SLC22A3: variants seen among roughly 807,000 people sequenced by gnomAD.
The protein encoded by SLC22A3 is solute carrier family 22 member 3.
SLC22A3 carries 51 observed loss-of-function variants against 59.1 expected under a neutral mutation model. The observed-to-expected ratio is 0.86, with a 90% CI of 0.69 to 1.09. The LOEUF (loss-of-function observed/expected upper bound fraction) is 1.09, where lower values mean the gene tolerates loss of function less well. SLC22A3 is among the 50% of genes least tolerant of loss of function. SLC22A3 has a pLI of 0.00. For missense variants in SLC22A3, 711 were observed against 726.3 expected (o/e 0.98, Z 0.24); for synonymous variants, 325 against 292.0 (o/e 1.11, Z -1.15).
At position 160,407,149 on chromosome 6, in the gene SLC22A3, G is replaced by T. The variant is rs1180940188; in HGVS notation, c.642G>T (p.Leu214=). 6 of 1,612,068 alleles carry T rather than the reference G, an allele frequency of 3.7e-6. No homozygotes were observed. Among genetic ancestry groups the T allele is most frequent in the Non-Finnish European group, 5.1e-6 (6 of 1,179,012 alleles). ...CTGTGTTTGTGATCTTCCGCTTCCT[G>T]CAAGGTGTATTTGGAAAGGGGACGT... ...NFPVFVIFRF[L]QGVFGKGTWM... Residue 214 remains leucine, a synonymous_variant, in exon 3 of 11, where the codon CTG becomes CTT. Coordinates refer to ENST00000275300, the MANE Select transcript of SLC22A3 (RefSeq NM_021977.4).
intron 4 of SLC22A3, among the ~76,000 whole-genome samples, chr6:160,410,494 C>T (rs1304445492): frequency 6.6e-6 from 1 of 152,188 alleles, no homozygotes; most frequent in African/African-American, 2.4e-5. Context: ...TTTGCAAGAG[C>T]AATGTCATGT....
At chr6:160,413,502 C>T (rs1184919396) in intron 5 of SLC22A3, among the ~76,000 whole-genome samples, 1 of 152,216 alleles carries the variant, frequency 6.6e-6, no homozygotes, top group African/African-American at 2.4e-5. Flanking sequence ...TGCCTAGTTT[C>T]CCTATCCACT....
chr6:160,448,363 T>C (rs1364158762), intron 10 of SLC22A3, among the ~76,000 whole-genome samples: 1 of 152,004 alleles, frequency 6.6e-6, no homozygotes, highest in Non-Finnish European at 1.5e-5. Flanking sequence ...TGATAGATAA[T>C]AGGTAGATGG....
chr6:160,358,087 C>T (rs1784900741), intron 1 of SLC22A3, among the ~76,000 whole-genome samples: 1 of 152,110 alleles, frequency 6.6e-6, no homozygotes, highest in Admixed American at 6.5e-5. Context: ...TAGATAATAA[C>T]AATTTATTGT....
At chr6:160,368,304 G>A (rs965195984) in intron 1 of SLC22A3, among the ~76,000 whole-genome samples, 4 of 152,272 alleles carry the variant, frequency 2.6e-5, no homozygotes, top group Admixed American at 2.6e-4. Flanking sequence ...CACAGCAGAA[G>A]AGTTATAATA....
chr6:160,368,712 C>T (rs1289209172), intron 1 of SLC22A3, among the ~76,000 whole-genome samples: 2 of 152,168 alleles, frequency 1.3e-5, no homozygotes, highest in Admixed American at 1.3e-4. Flanking sequence ...TCACTCACCT[C>T]CTCACCCCTG....
intron 2 of SLC22A3, among the ~76,000 whole-genome samples, chr6:160,405,154 T>C (rs1018201183): frequency 9.2e-5 from 14 of 151,938 alleles, no homozygotes; most frequent in Admixed American, 5.2e-4. Context: ...AAAAGGCAAA[T>C]ATTTGATAAA....
At chr6:160,392,412 T>G (rs1786298067) in intron 1 of SLC22A3, among the ~76,000 whole-genome samples, 1 of 152,224 alleles carries the variant, frequency 6.6e-6, no homozygotes, top group Non-Finnish European at 1.5e-5. Context: ...TCTGTTTAGA[T>G]CTCAGCTGCT....
At position 160,447,737 on chromosome 6, in the gene SLC22A3, G is replaced by A; in HGVS notation, c.1529G>A (p.Cys510Tyr). 1 of 1,614,090 alleles carries A rather than the reference G, an allele frequency of 6.2e-7. No individual in the cohort carries two copies. Among genetic ancestry groups the A allele is most frequent in the African/African-American group, 1.3e-5 (1 of 75,050 alleles). The change falls in exon 10 of 11, where the codon TGT becomes TAT. Residue 510 changes from cysteine (C) to tyrosine (Y), a missense_variant. Physicochemically the swap from Cys to Tyr is radical, Grantham distance 194. Coordinates refer to ENST00000275300, the MANE Select transcript of SLC22A3 (RefSeq NM_021977.4). ...LIIFGILASICGGLVMLLPET... is the reference protein window; with the variant it reads ...LIIFGILASIYGGLVMLLPET... ...TCCATAGGTATCCTGGCATCCATCT[G>A]TGGTGGCCTTGTGATGCTTTTGCCT...
At chr6:160,438,967 T>C (rs1187010903) in intron 7 of SLC22A3, among the ~76,000 whole-genome samples, 1 of 152,052 alleles carries the variant, frequency 6.6e-6, no homozygotes, top group Non-Finnish European at 1.5e-5. Context: ...CTTGACTAAT[T>C]ACATCTGCAA....
At chr6:160,410,955 AT>A (rs1223785918) in intron 5 of SLC22A3, 109 bp downstream of exon 5, 38 of 584,780 alleles carry the variant, frequency 6.5e-5, no homozygotes, top group Non-Finnish European at 9.4e-6. Context: ...AAATATGCAT[AT>A]TATATATATA....
At chr6:160,435,461 T>C (rs1399429296) in intron 5 of SLC22A3, among the ~76,000 whole-genome samples, 1 of 152,196 alleles carries the variant, frequency 6.6e-6, no homozygotes, top group African/African-American at 2.4e-5. Flanking sequence ...TGTGAAGACT[T>C]TGGAAAAGAA....
At chr6:160,396,829 G>A (rs1786492169) in intron 1 of SLC22A3, among the ~76,000 whole-genome samples, 1 of 151,946 alleles carries the variant, frequency 6.6e-6, no homozygotes, top group South Asian at 2.1e-4. Flanking sequence ...GAGACTTATT[G>A]CCACAGGAAA....
chr6:160,356,030 A>G (rs982394346), intron 1 of SLC22A3, among the ~76,000 whole-genome samples: 1 of 152,178 alleles, frequency 6.6e-6, no homozygotes, highest in African/African-American at 2.4e-5. Flanking sequence ...AATATTTGTG[A>G]TTAAATTAAT....
intron 7 of SLC22A3, among the ~76,000 whole-genome samples, chr6:160,442,032 C>CT (rs1390906722): frequency 2.0e-5 from 3 of 152,134 alleles, no homozygotes; most frequent in African/African-American, 7.2e-5. Context: ...TTGGCATTTC[C>CT]CACTAGTTAG....
At chr6:160,365,893 T>G (rs1785186907) in intron 1 of SLC22A3, among the ~76,000 whole-genome samples, 2 of 151,920 alleles carry the variant, frequency 1.3e-5, no homozygotes, top group Non-Finnish European at 2.9e-5. Flanking sequence ...CAAGGAGAAG[T>G]GCTGAACAAA....
At chr6:160,449,146 G>C (rs1001840242) in intron 10 of SLC22A3, among the ~76,000 whole-genome samples, 1 of 152,158 alleles carries the variant, frequency 6.6e-6, no homozygotes, top group African/African-American at 2.4e-5. Flanking sequence ...AGAAAAGGGA[G>C]TCCTCTGAAA....
chr6:160,436,377 C>A (rs1562500506), intron 5 of SLC22A3, among the ~76,000 whole-genome samples: 1 of 152,160 alleles, frequency 6.6e-6, no homozygotes, highest in African/African-American at 2.4e-5. Context: ...GGTGCTTACT[C>A]TTAAACTTAA....
chr6:160,393,413 A>G (rs1583471691), intron 1 of SLC22A3, among the ~76,000 whole-genome samples: 1 of 150,506 alleles, frequency 6.6e-6, no homozygotes, highest in Non-Finnish European at 1.5e-5. Flanking sequence ...AGCATTAGGT[A>G]TATCTCCTAA....
Sources: allele counts gnomAD v4.1 joint callset (sites outside exome capture counted in the v4.1 genomes callset), GRCh38; gene constraint gnomAD v4.1.1; transcripts MANE v1.5; gene names NCBI Gene and HGNC (gene_info 2026-07-23, HGNC 2026-07-21).